Variants in LINC00632 observed in about 807,000 individuals in gnomAD.
The protein encoded by LINC00632 is ALDOA related specific transcript.
At chrX:140,787,003 C>T (rs1271232121) in exon 5 of LINC00632, among the ~76,000 whole-genome samples, 1 of 111,252 alleles carries the variant, frequency 9.0e-6, no homozygotes, top group East Asian at 2.8e-4. Context: ...GGATGGGTTG[C>T]ATTATGTATG....
At chrX:140,725,837 T>A in intron 2 of LINC00632, among the ~76,000 whole-genome samples, 1 of 111,505 alleles carries the variant, frequency 9.0e-6, no homozygotes, top group South Asian at 3.8e-4. Flanking sequence ...ACATGAAGGC[T>A]TACCTCACAG....
At chrX:140,784,096 T>A in exon 5 of LINC00632, 1 of 1,210,827 alleles carries the variant, frequency 8.3e-7, no homozygotes, top group Non-Finnish European at 1.1e-6. Context: ...AACAAAGCCA[T>A]GTCTTCCAGA....
At chrX:140,727,394 C>G (rs945522428) in intron 2 of LINC00632, among the ~76,000 whole-genome samples, 1 of 111,619 alleles carries the variant, frequency 9.0e-6, no homozygotes, top group African/African-American at 3.3e-5. Context: ...TGGGTTCAAG[C>G]GATTTTCCTG....
At position 140,772,035 on chromosome X, in the gene LINC00632, G is replaced by A. The variant is rs1373675541; in HGVS notation, n.192-43G>A. 1.8e-5 allele frequency: 5 copies of A among 278,249 alleles called. No individual in the cohort carries two copies. The Admixed American group carries it at 3.2e-4, about 18-fold the overall frequency. The allele number at this position is 278,249 out of a possible 1,213,427, so 22.9% of individuals were successfully genotyped here. On this transcript the variant is annotated intron_variant and non_coding_transcript_variant, in intron 3 of 4. Coordinates refer to ENST00000648200, the Ensembl canonical transcript of LINC00632. ...TAAGCTACTCATTTAGATTGCCTCT[G>A]TTCCTGACCTCATTTCCTATTTTTA...
At chrX:140,723,049 AAAAAG>A (rs1282142795) in intron 2 of LINC00632, among the ~76,000 whole-genome samples, 12 of 109,967 alleles carry the variant, frequency 1.1e-4, no homozygotes, top group Non-Finnish European at 1.9e-4. Flanking sequence ...TCAAAAAAAA[AAAAAG>A]AAAAGAAAAG....
intron 2 of LINC00632, among the ~76,000 whole-genome samples, chrX:140,715,825 A>G (rs1440949424): frequency 9.0e-6 from 1 of 111,528 alleles, no homozygotes; most frequent in African/African-American, 3.3e-5. Context: ...AGATTCACCT[A>G]TCAATATACA....
chrX:140,763,266 A>G (rs1049694271), intron 3 of LINC00632, among the ~76,000 whole-genome samples: 2 of 109,372 alleles, frequency 1.8e-5, no homozygotes, highest in African/African-American at 3.3e-5. Flanking sequence ...AGCCAGGCAT[A>G]GTGGCGGGTG....
chrX:140,747,529 C>CAA (rs376796176), intron 3 of LINC00632, among the ~76,000 whole-genome samples: 29,496 of 62,901 alleles, frequency 0.47, 6,850 homozygotes, highest in South Asian at 0.71. Context: ...AAACTCCATC[C>CAA]AAAAAAAAAA....
At chrX:140,752,370 T>C (rs1276460614) in intron 3 of LINC00632, among the ~76,000 whole-genome samples, 4 of 111,616 alleles carry the variant, frequency 3.6e-5, no homozygotes, top group Non-Finnish European at 5.6e-5. Context: ...ATACTTCACT[T>C]GTCTATTGGG....
rs779525870 is a variant in LINC00632, at chrX:140,728,385, T to C, written n.105-5493T>C. Among the ~76,000 whole-genome samples the C allele has an allele frequency of 6.3e-5, 7 of 111,425 alleles. No homozygotes were observed. The South Asian group carries it at 2.7e-3, about 43-fold the overall frequency. ...CTACAAACACAAAATTGCATTCTGA[T>C]GCACAGATTTACCCCCAAATGCACA... is the stretch of plus-strand genomic sequence containing the variant. On this transcript the variant is annotated intron_variant and non_coding_transcript_variant, in intron 2 of 4. Transcript: ENST00000648200.
chrX:140,726,908 G>A (rs112754606), intron 2 of LINC00632, among the ~76,000 whole-genome samples: 7,240 of 111,111 alleles, frequency 0.065, 267 homozygotes, highest in African/African-American at 0.14. Context: ...CCCATCACCC[G>A]CTGCCAGCAT....
At chrX:140,752,139 G>A (rs898472701) in intron 3 of LINC00632, among the ~76,000 whole-genome samples, 6 of 111,597 alleles carry the variant, frequency 5.4e-5, no homozygotes, top group South Asian at 3.8e-4. Context: ...GCTGTTTAAA[G>A]CCCATCCCAT....
chrX:140,751,286 T>C (rs1455300711), intron 3 of LINC00632, among the ~76,000 whole-genome samples: 1 of 43,133 alleles, frequency 2.3e-5, no homozygotes, highest in Non-Finnish European at 6.3e-5. Flanking sequence ...TGCCAACATC[T>C]TTTTTTTTTT....
chrX:140,721,522 G>T (rs1246491728), intron 2 of LINC00632, among the ~76,000 whole-genome samples: 1 of 111,190 alleles, frequency 9.0e-6, no homozygotes, highest in African/African-American at 3.3e-5. Flanking sequence ...TCACACTCTT[G>T]TGAGAATCTA....
intron 2 of LINC00632, among the ~76,000 whole-genome samples, chrX:140,726,715 T>C (rs941682062): frequency 1.8e-5 from 2 of 112,026 alleles, no homozygotes; most frequent in African/African-American, 6.5e-5. Flanking sequence ...ACCCAAGATA[T>C]ACGGCTTCTT....
At chrX:140,715,185 C>T (rs747758208) in intron 2 of LINC00632, among the ~76,000 whole-genome samples, 5 of 111,717 alleles carry the variant, frequency 4.5e-5, no homozygotes, top group Non-Finnish European at 9.4e-5. Flanking sequence ...ATACCCTCAC[C>T]CATCCCACAA....
At chrX:140,720,667 A>G (rs959246192) in intron 2 of LINC00632, among the ~76,000 whole-genome samples, 3 of 112,123 alleles carry the variant, frequency 2.7e-5, no homozygotes, top group African/African-American at 6.5e-5. Flanking sequence ...ACAACATTGT[A>G]TGTATTATCG....
exon 5 of LINC00632, among the ~76,000 whole-genome samples, chrX:140,789,890 T>G (rs901612224): frequency 9.0e-6 from 1 of 111,328 alleles, no homozygotes; most frequent in Non-Finnish European, 1.9e-5. Flanking sequence ...TCATTTGTCT[T>G]TTAAATTTAT....
exon 5 of LINC00632, among the ~76,000 whole-genome samples, chrX:140,778,618 G>GAAAAAAAAAAAA (rs57214136): frequency 2.5e-5 from 1 of 40,297 alleles, no homozygotes. Flanking sequence ...AACAAACAAA[G>GAAAAAAAAAAAA]AAAAAAAAAA....
Sources: gnomAD v4.1 joint callset for allele counts (sites outside exome capture counted in the v4.1 genomes callset) on GRCh38, gnomAD v4.1.1 for gene constraint, MANE v1.5 for transcripts, NCBI Gene and HGNC (gene_info 2026-07-23, HGNC 2026-07-21) for gene names.